The following DIP2C variants were observed in gnomAD, a reference collection of about 807,000 sequenced individuals.
The protein encoded by DIP2C is disco-interacting protein 2 homolog C.
In DIP2C, 33 loss-of-function variants were observed where a neutral mutation model predicts 192.4. That is an observed-to-expected ratio of 0.17 (90% CI 0.13 to 0.23). DIP2C has a LOEUF of 0.23. DIP2C is among the 10% of genes least tolerant of loss of function. DIP2C has a pLI of 1.00. For missense variants in DIP2C, 1,537 were observed against 2,110.1 expected (o/e 0.73, Z 5.32); for synonymous variants, 979 against 864.1 (o/e 1.13, Z -2.33).
intron 31 of DIP2C, among the ~76,000 whole-genome samples, chr10:314,804 A>AG (rs1196171838): frequency 6.6e-6 from 1 of 152,196 alleles, no homozygotes; most frequent in Admixed American, 6.5e-5. Flanking sequence ...CCCATTCGTG[A>AG]GGGCTCCACC....
chr10:487,567 GTTTTTTTTTT>G lies in DIP2C; in HGVS notation c.86-1047_86-1038del, dbSNP rs71376836. Among the ~76,000 whole-genome samples, 127 of 54,202 alleles carry G rather than the reference GTTTTTTTTTT, an allele frequency of 2.3e-3. 1 individual carries two copies. The highest frequency in any genetic ancestry group is 8.6e-3 in the African/African-American group (108 of 12,578). 35.6% of individuals were successfully genotyped at this position (54,202 alleles called of 152,430 possible). ...AACCCGCATCCGCCCATCAATGAGT[GTTTTTTTTTT>G]TTTTTTTTTTTTTTTTTTTTGAGAC... On this transcript the variant is annotated intron_variant, in intron 1 of 36. Coordinates refer to ENST00000280886, the MANE Select transcript of DIP2C (RefSeq NM_014974.3).
intron 3 of DIP2C, among the ~76,000 whole-genome samples, chr10:471,552 T>C (rs1201802095): frequency 6.6e-6 from 1 of 152,096 alleles, no homozygotes; most frequent in East Asian, 1.9e-4. Context: ...GTGAGAACAA[T>C]GTGAGGATGC....
intron 1 of DIP2C, among the ~76,000 whole-genome samples, chr10:509,074 GGAC>G (rs1845832893): frequency 6.6e-6 from 1 of 152,170 alleles, no homozygotes; most frequent in South Asian, 2.1e-4. Context: ...GGACTGCTGT[GGAC>G]AGACGAGCAG....
At chr10:297,898 T>C (rs1233520030) in intron 32 of DIP2C, among the ~76,000 whole-genome samples, 2 of 152,194 alleles carry the variant, frequency 1.3e-5, no homozygotes, top group South Asian at 2.1e-4. Context: ...ATATACCCTA[T>C]GAGTTGCACA....
At chr10:511,215 G>C (rs979948013) in intron 1 of DIP2C, among the ~76,000 whole-genome samples, 1 of 152,204 alleles carries the variant, frequency 6.6e-6, no homozygotes, top group Admixed American at 6.5e-5. Flanking sequence ...AGAGCAGCAG[G>C]TGCCAGCGTG....
intron 1 of DIP2C, among the ~76,000 whole-genome samples, chr10:604,894 GT>G (rs1227102119): frequency 6.6e-6 from 1 of 152,192 alleles, no homozygotes; most frequent in East Asian, 1.9e-4. Flanking sequence ...GGGCACCCGA[GT>G]TTCTGTCAGA....
intron 1 of DIP2C, among the ~76,000 whole-genome samples, chr10:508,179 G>GTCACT: frequency 6.6e-6 from 1 of 152,144 alleles, no homozygotes; most frequent in Non-Finnish European, 1.5e-5. Flanking sequence ...CCGCGATTCA[G>GTCACT]TCACTTACAC....
intron 1 of DIP2C, among the ~76,000 whole-genome samples, chr10:553,980 G>GT (rs1491063078): frequency 6.6e-5 from 9 of 135,878 alleles, no homozygotes; most frequent in African/African-American, 2.4e-4. Context: ...GCTTGTAACT[G>GT]TAAGAGTGGC....
chr10:432,668 T>G (rs943309885), intron 4 of DIP2C, among the ~76,000 whole-genome samples: 1 of 152,222 alleles, frequency 6.6e-6, no homozygotes, highest in Non-Finnish European at 1.5e-5. Flanking sequence ...TGTTGATTTC[T>G]GCTCTTTCAT....
At chr10:646,907 G>A (rs527687366) in intron 1 of DIP2C, among the ~76,000 whole-genome samples, 63 of 152,334 alleles carry the variant, frequency 4.1e-4, no homozygotes, top group Non-Finnish European at 8.1e-4. Flanking sequence ...ATTATGTTCT[G>A]TTCCTTAGGT....
At chr10:361,378 G>T (rs999039519) in intron 22 of DIP2C, among the ~76,000 whole-genome samples, 1 of 152,282 alleles carries the variant, frequency 6.6e-6, no homozygotes, top group African/African-American at 2.4e-5. Context: ...TGACCTCGGC[G>T]TGAGGCTGCT....
chr10:643,989 C>T (rs1855327809), intron 1 of DIP2C, among the ~76,000 whole-genome samples: 1 of 152,238 alleles, frequency 6.6e-6, no homozygotes, highest in Non-Finnish European at 1.5e-5. Context: ...GATTCCAGTT[C>T]TGTTCATTCT....
chr10:480,229 G>A (rs1843499674), intron 2 of DIP2C, among the ~76,000 whole-genome samples: 3 of 149,218 alleles, frequency 2.0e-5, no homozygotes, highest in Non-Finnish European at 3.0e-5. Flanking sequence ...CTGAGCTCCG[G>A]TCCATGCTCA....
chr10:449,808 ACATT>A (rs921721862), intron 3 of DIP2C, among the ~76,000 whole-genome samples: 8 of 113,706 alleles, frequency 7.0e-5, no homozygotes, highest in South Asian at 2.3e-4. Flanking sequence ...AGAAGTAAAC[ACATT>A]CAGTTACCTA....
intron 28 of DIP2C, among the ~76,000 whole-genome samples, chr10:342,474 C>CT (rs1958203550): frequency 6.6e-6 from 1 of 152,180 alleles, no homozygotes; most frequent in African/African-American, 2.4e-5. Context: ...GACCCTCTCT[C>CT]TAACACACCG....
chr10:288,838 G>A (rs920292371), intron 32 of DIP2C, among the ~76,000 whole-genome samples: 4 of 152,236 alleles, frequency 2.6e-5, no homozygotes, highest in African/African-American at 2.4e-5. Flanking sequence ...TGCAGCGGCC[G>A]AGAGCCCTCC....
chr10:443,727 G>C (rs1967926312), intron 3 of DIP2C, among the ~76,000 whole-genome samples: 1 of 152,060 alleles, frequency 6.6e-6, no homozygotes, highest in African/African-American at 2.4e-5. Flanking sequence ...AAAGAAACCT[G>C]GCTCCTGTTA....
intron 1 of DIP2C, among the ~76,000 whole-genome samples, chr10:573,718 C>A (rs1405768386): frequency 6.6e-6 from 1 of 151,914 alleles, no homozygotes; most frequent in Non-Finnish European, 1.5e-5. Context: ...TTTTTTTTTC[C>A]TCTTTTCTTT....
chr10:612,945 C>A (rs939784693), intron 1 of DIP2C, among the ~76,000 whole-genome samples: 2 of 152,140 alleles, frequency 1.3e-5, no homozygotes, highest in Non-Finnish European at 2.9e-5. Flanking sequence ...AGGGATCCGG[C>A]CCCCCTCCCA....
Sources: allele counts gnomAD v4.1 joint callset (sites outside exome capture counted in the v4.1 genomes callset), GRCh38; gene constraint gnomAD v4.1.1; transcripts MANE v1.5; gene names NCBI Gene and HGNC (gene_info 2026-07-23, HGNC 2026-07-21).